The following FOXP1 variants were observed in gnomAD, a reference collection of about 807,000 sequenced individuals.
FOXP1 encodes the protein forkhead box P1.
In FOXP1, 15 loss-of-function variants were observed where a neutral mutation model predicts 98.2. The ratio of observed to expected loss-of-function variants is 0.15; its 90% CI spans 0.10 to 0.24. The LOEUF (loss-of-function observed/expected upper bound fraction) is 0.24. Among genes scored for constraint, FOXP1 ranks in the 10% least tolerant of loss-of-function variants. FOXP1 has a pLI of 1.00. For synonymous variants in FOXP1, 371 were observed against 314.5 expected (o/e 1.18, Z -1.90); for missense variants, 633 against 848.5 (o/e 0.75, Z 3.15).
intron 11 of FOXP1, among the ~76,000 whole-genome samples, chr3:71,022,171 T>C (rs2107801884): frequency 6.6e-6 from 1 of 152,314 alleles, no homozygotes; most frequent in Non-Finnish European, 1.5e-5. Flanking sequence ...TTTTTTTTAA[T>C]GTTGTCCCAG....
chr3:71,564,950 A>G (rs2046800029), intron 2 of FOXP1, among the ~76,000 whole-genome samples: 1 of 152,176 alleles, frequency 6.6e-6, no homozygotes, highest in Non-Finnish European at 1.5e-5. Context: ...TTCCGTCTCT[A>G]TTAAAAATAC....
intron 6 of FOXP1, among the ~76,000 whole-genome samples, chr3:71,127,260 GC>G (rs35104329): frequency 0.035 from 5,367 of 152,238 alleles, 121 homozygotes; most frequent in Non-Finnish European, 0.055. Context: ...CAATTCTTTT[GC>G]CCCCAAAGCA....
chr3:71,189,399 G>T (rs142502604), intron 6 of FOXP1, among the ~76,000 whole-genome samples: 5 of 152,278 alleles, frequency 3.3e-5, no homozygotes, highest in African/African-American at 1.2e-4. Flanking sequence ...AAGGCTAAAT[G>T]GAAAATACTT....
intron 5 of FOXP1, among the ~76,000 whole-genome samples, chr3:71,250,052 A>G (rs565675920): frequency 6.6e-6 from 1 of 152,350 alleles, no homozygotes; most frequent in African/African-American, 2.4e-5. Flanking sequence ...GGGCCACAGA[A>G]GTCCACCCCA....
chr3:71,266,291 G>C (rs2107240093), intron 5 of FOXP1, among the ~76,000 whole-genome samples: 1 of 152,134 alleles, frequency 6.6e-6, no homozygotes, highest in South Asian at 2.1e-4. Flanking sequence ...TGTTGCCCAG[G>C]CTGGATGGAG....
At chr3:71,240,827 G>A (rs1189111142) in intron 5 of FOXP1, among the ~76,000 whole-genome samples, 2 of 151,860 alleles carry the variant, frequency 1.3e-5, no homozygotes, top group East Asian at 2.0e-4. Context: ...TTACAGGCGT[G>A]AGCCACAGCG....
At chr3:71,511,848 T>G (rs1374992680) in intron 2 of FOXP1, among the ~76,000 whole-genome samples, 1 of 146,258 alleles carries the variant, frequency 6.8e-6, no homozygotes, top group Non-Finnish European at 1.5e-5. Flanking sequence ...CATGCATGTA[T>G]ATATAGATGT....
At chr3:71,475,134 AC>A (rs955455751) in intron 3 of FOXP1, among the ~76,000 whole-genome samples, 2 of 151,042 alleles carry the variant, frequency 1.3e-5, no homozygotes, top group African/African-American at 2.4e-5. Context: ...ATTCCATCTC[AC>A]CTTCCCCCCT....
chr3:71,259,729 C>A (rs1044175674), intron 5 of FOXP1, among the ~76,000 whole-genome samples: 7 of 152,164 alleles, frequency 4.6e-5, no homozygotes, highest in Admixed American at 4.6e-4. Context: ...ATTAACTATC[C>A]ATATTAAGAG....
At chr3:71,013,792 T>A (rs2044026848) in intron 12 of FOXP1, among the ~76,000 whole-genome samples, 1 of 152,074 alleles carries the variant, frequency 6.6e-6, no homozygotes. Flanking sequence ...GTACTGGTAC[T>A]ACAACAGGGA....
Position 71,406,405 on chromosome 3 carries a change from G to GTATGTATATATATATATATATATATATA in FOXP1, c.-167-47162_-167-47161insTATATATATATATATATATATATACATA, listed in dbSNP as rs2082336447. Among the ~76,000 whole-genome samples, 247 of 105,912 alleles carry GTATGTATATATATATATATATATATATA rather than the reference G, an allele frequency of 2.3e-3. 9 individuals carry two copies. The highest frequency in any genetic ancestry group is 0.016 in the Middle Eastern group (3 of 186). 69.5% of individuals were successfully genotyped at this position (105,912 alleles called of 152,430 possible). ...TAATTGACACATAATAACTGTATGT[G>GTATGTATATATATATATATATATATATA]TATATATATATATATATATGGTACA... On this transcript the variant is annotated intron_variant, in intron 3 of 20. Coordinates refer to ENST00000649528, the MANE Select transcript of FOXP1 (RefSeq NM_001349338.3).
Position 71,406,405 on chromosome 3 carries a change from G to GTGTATATATATATATATATATATA in FOXP1, c.-167-47162_-167-47161insTATATATATATATATATATATACA, listed in dbSNP as rs1347753258. ...TAATTGACACATAATAACTGTATGTGTATATATATATATATATATGGTACA... is the reference window on the plus strand; with the variant it reads ...TAATTGACACATAATAACTGTATGTGTGTATATATATATATATATATATATATATATATATATATATATGGTACA... On this transcript the variant is annotated intron_variant, in intron 3 of 20. Transcript: ENST00000649528. Among the ~76,000 whole-genome samples the GTGTATATATATATATATATATATA allele has an allele frequency of 2.1e-3, 220 of 105,924 alleles. 3 individuals carry two copies. Among genetic ancestry groups the GTGTATATATATATATATATATATA allele is most frequent in the Middle Eastern group, 5.3e-3 (1 of 188 alleles). The allele number at this position is 105,924 out of a possible 152,430, so 69.5% of individuals were successfully genotyped here.
At chr3:71,556,333 T>C (rs915344440) in intron 2 of FOXP1, among the ~76,000 whole-genome samples, 2 of 152,026 alleles carry the variant, frequency 1.3e-5, no homozygotes, top group African/African-American at 2.4e-5. Flanking sequence ...ATCCCAGCAC[T>C]TTGGGAGGCC....
intron 3 of FOXP1, among the ~76,000 whole-genome samples, chr3:71,385,360 T>C (rs1373473740): frequency 2.6e-5 from 4 of 152,212 alleles, no homozygotes; most frequent in African/African-American, 9.7e-5. Flanking sequence ...TGTGGAGGAA[T>C]GCATTTTGAG....
rs72961259 is a variant in FOXP1 at position 71,491,322 on chromosome 3, C to T, written c.-168+2104G>A. On this transcript the variant is annotated intron_variant, in intron 3 of 20. Coordinates refer to ENST00000649528, the MANE Select transcript of FOXP1 (RefSeq NM_001349338.3). The stretch of plus-strand genomic sequence containing the variant: ...TGAGCCACCATGCCCAGCCAAGATA[C>T]GACTTTTCTTAGCATGTGCTGCCTG... 2.0e-3 allele frequency among the ~76,000 whole-genome samples: 305 copies of T among 152,256 alleles called. 1 individual carries two copies. The highest frequency in any genetic ancestry group is 5.5e-3 in the African/African-American group (230 of 41,552).
At chr3:71,485,029 A>G (rs2090547626) in intron 3 of FOXP1, among the ~76,000 whole-genome samples, 1 of 152,194 alleles carries the variant, frequency 6.6e-6, no homozygotes, top group Non-Finnish European at 1.5e-5. Flanking sequence ...GGTTAAAGAC[A>G]TTGTATCTGT....
intron 6 of FOXP1, among the ~76,000 whole-genome samples, chr3:71,195,872 T>A (rs184439614): frequency 2.6e-5 from 4 of 152,338 alleles, no homozygotes; most frequent in Admixed American, 2.6e-4. Context: ...ACTGTCTAAT[T>A]GTCGCAGTTT....
At chr3:71,126,871 CAAAA>C (rs1230464030) in intron 6 of FOXP1, among the ~76,000 whole-genome samples, 1 of 77,164 alleles carries the variant, frequency 1.3e-5, no homozygotes, top group Non-Finnish European at 2.9e-5. Flanking sequence ...AAAAAACAAA[CAAAA>C]AAAAAAAACA....
chr3:70,979,279 C>CAAAAAAAAAAAAAAAAAAAAAAAAAAAA (rs544916383), intron 14 of FOXP1, among the ~76,000 whole-genome samples: 1 of 42,552 alleles, frequency 2.4e-5, no homozygotes, highest in Non-Finnish European at 3.7e-5. Flanking sequence ...GACTCTACCT[C>CAAAAAAAAAAAAAAAAAAAAAAAAAAAA]AAAAAAAAAA....
Sources: allele counts gnomAD v4.1 joint callset (sites outside exome capture counted in the v4.1 genomes callset), GRCh38; gene constraint gnomAD v4.1.1; transcripts MANE v1.5; gene names NCBI Gene and HGNC (gene_info 2026-07-23, HGNC 2026-07-21).